The following VCP variants were observed in gnomAD, a reference collection of about 807,000 sequenced individuals.
VCP encodes the protein valosin containing protein, also known as transitional endoplasmic reticulum ATPase.
VCP carries 6 observed loss-of-function variants against 85.7 expected under a neutral mutation model. The ratio of observed to expected loss-of-function variants is 0.07; its 90% CI spans 0.04 to 0.14. The LOEUF (loss-of-function observed/expected upper bound fraction) is 0.14. Among genes scored for constraint, VCP ranks in the 10% least tolerant of loss-of-function variants. VCP has a pLI of 1.00. For missense variants in VCP, 353 were observed against 1,043.4 expected (o/e 0.34, Z 9.12); for synonymous variants, 384 against 367.1 (o/e 1.05, Z -0.53).
chr9:35,057,904 T>C (rs541595807), intron 15 of VCP: 6 of 353,630 alleles, frequency 1.7e-5, no homozygotes, highest in Non-Finnish European at 2.7e-5. Context: ...GTGAATTTTA[T>C]TGTATTTATA....
At chr9:35,062,387 T>C (rs187911930) in intron 7 of VCP, 37 bp from the exon 8 acceptor site, 336 of 1,613,790 alleles carry the variant, frequency 2.1e-4, no homozygotes, top group Admixed American at 1.1e-3. Context: ...AACAAAATGA[T>C]AGTCTTTCCC....
intron 7 of VCP, among the ~76,000 whole-genome samples, chr9:35,062,757 TC>T (rs1405324019): frequency 6.6e-6 from 1 of 152,206 alleles, no homozygotes; most frequent in East Asian, 1.9e-4. Flanking sequence ...CGCTCTGCAG[TC>T]TGTCCACAAT....
In VCP at chr9:35,057,506, G is replaced by T; in HGVS notation, c.2185C>A (p.Pro729Thr). 6.2e-7 allele frequency: 1 copy of T among 1,612,172 alleles called. No individual in the cohort carries two copies. ...TCAAAGTGATCTCGACGGATCTCAG[G>T]CACTGGATCATCCTCTTCTACCTCC... The part of the protein sequence containing the change: ...AMEVEEDDPV[P>T]EIRRDHFEEA... Residue 729 changes from proline to threonine, a missense_variant, in exon 16 of 17, where the codon CCT (proline) becomes ACT (threonine). This residue lies in a region of VCP where 93 missense variants were observed against 197.1 expected (regional missense o/e 0.47). Coordinates refer to ENST00000358901, the MANE Select transcript of VCP (RefSeq NM_007126.5).
chr9:35,061,482 C>T, intron 10 of VCP, 95 bp downstream of exon 10: 1 of 1,242,586 alleles, frequency 8.0e-7, no homozygotes, highest in Non-Finnish European at 1.2e-6. Flanking sequence ...AAATCAAAAC[C>T]CATCTCCTCA....
At chr9:35,060,262 A>G (rs778643068) in intron 13 of VCP, 51 bp downstream of exon 13, 3 of 1,590,224 alleles carry the variant, frequency 1.9e-6, no homozygotes, top group Non-Finnish European at 2.6e-6. Flanking sequence ...AACAGCCTCT[A>G]TTCCTTGCCC....
intron 3 of VCP, among the ~76,000 whole-genome samples, chr9:35,067,303 T>C (rs536245988): frequency 1.3e-5 from 2 of 152,160 alleles, no homozygotes; most frequent in African/African-American, 4.8e-5. Context: ...GGCCAGGTGA[T>C]GGTTGGTTGG....
rs1828621537 is a variant in VCP at position 35,057,033 on chromosome 9, C to G, written c.*84G>C. ...AATGGAGCAGGCTGTGGGCGCACCC[C>G]TGGTCCCTCTCCTGGGCAAGCGCCC... On this transcript the variant is annotated 3_prime_UTR_variant, in exon 17 of 17. Transcript: ENST00000358901. The G allele has an allele frequency of 4.3e-6, 6 of 1,399,176 alleles. No individual in the cohort carries two copies. The highest frequency in any genetic ancestry group is 4.0e-6 in the Non-Finnish European group (4 of 990,224). 86.7% of individuals were successfully genotyped at this position (1,399,176 alleles called of 1,614,324 possible).
intron 13 of VCP, 64 bp downstream of exon 13, chr9:35,060,248 GA>G: frequency 6.5e-7 from 1 of 1,548,244 alleles, no homozygotes; most frequent in South Asian, 1.1e-5. Flanking sequence ...CCCTCTTAAA[GA>G]AAAACAGCCT....
intron 5 of VCP, 134 bp downstream of exon 5, chr9:35,065,117 C>T (rs1475186287): frequency 1.5e-6 from 2 of 1,336,490 alleles, no homozygotes; most frequent in Non-Finnish European, 2.1e-6. Flanking sequence ...ATCTGCCCAT[C>T]TCAGTCTCCC....
Position 35,066,765 on chromosome 9 carries a change from T to C in VCP, c.355A>G (p.Ile119Val), listed in dbSNP as rs776815786. 2.5e-6 allele frequency: 4 copies of C among 1,614,120 alleles called. No homozygotes were observed. The South Asian group carries it at 3.3e-5, about 13-fold the overall frequency. Residue 119 changes from isoleucine (I) to valine (V), a missense_variant, in exon 4 of 17, where the codon ATT becomes GTT. Coordinates refer to ENST00000358901, the MANE Select transcript of VCP (RefSeq NM_007126.5). ...GTAATGCCTTCCACTGTGTCATCAA[T>C]GGGCAGCACATGGATACGTTTGCCG... ...KYGKRIHVLP[I>V]DDTVEGITGN...
chr9:35,059,887 C>A lies in VCP; in HGVS notation c.1696-86G>T. 6.4e-7 allele frequency: 1 copy of A among 1,554,622 alleles called. No homozygotes were observed. Among genetic ancestry groups the A allele is most frequent in the East Asian group, 2.3e-5 (1 of 44,366 alleles). On this transcript the variant is annotated intron_variant, in intron 13 of 16. Coordinates refer to ENST00000358901, the MANE Select transcript of VCP (RefSeq NM_007126.5). The surrounding 1 kb of genome is among the most constrained non-coding windows in gnomAD (Gnocchi z 4.9). Reference sequence around the variant, plus strand: ...GTGGCTCACACCTGTATTCCCAGCACTTTGGGAGGCCAAGGTGGGAGGATC... The same window carrying A: ...GTGGCTCACACCTGTATTCCCAGCAATTTGGGAGGCCAAGGTGGGAGGATC...
rs1031539530 is a variant in VCP, at chr9:35,056,068, A to G, written c.*1049T>C. On this transcript the variant is annotated 3_prime_UTR_variant, in exon 17 of 17. Transcript: ENST00000358901. ...AAAAAAAATTCAATACTAAAATTTT[A>G]TATTAACAAAAAGTTTTTTTTTTTT... 1 of 151,666 alleles carries G rather than the reference A, an allele frequency of 6.6e-6. No individual in the cohort carries two copies. Among genetic ancestry groups the G allele is most frequent in the Non-Finnish European group, 1.5e-5 (1 of 67,900 alleles). The allele number at this position is 151,666 out of a possible 1,614,324, so 9.4% of individuals were successfully genotyped here.
chr9:35,071,822 C>T (rs540233037), intron 1 of VCP: 23 of 989,668 alleles, frequency 2.3e-5, no homozygotes, highest in Non-Finnish European at 2.6e-5. Context: ...GCGGGCCTTC[C>T]CCGACCCCGG....
chr9:35,056,795 C>T lies in VCP; in HGVS notation c.*322G>A. 1 of 375,748 alleles carries T rather than the reference C, an allele frequency of 2.7e-6. No individual in the cohort carries two copies. 23.3% of individuals were successfully genotyped at this position (375,748 alleles called of 1,614,324 possible). A position where few individuals can be genotyped will look rare whatever the true frequency, so the allele number is the denominator to read the frequency against. ...GCAGATGCTTTACTGTGGCAGGTGG[C>T]AGTAGTGCCTTGGTTCACACCCCAC... On this transcript the variant is annotated 3_prime_UTR_variant, in exon 17 of 17. Coordinates refer to ENST00000358901, the MANE Select transcript of VCP (RefSeq NM_007126.5).
At chr9:35,057,635 C>G in intron 15 of VCP, 105 bp from the exon 16 acceptor site, 2 of 1,478,826 alleles carry the variant, frequency 1.4e-6, no homozygotes, top group African/African-American at 2.8e-5. Flanking sequence ...CCCTTCCAAT[C>G]CAACCTGAGG....
chr9:35,069,444 CTTTTTT>C (rs35498216), intron 1 of VCP, among the ~76,000 whole-genome samples: 6 of 96,104 alleles, frequency 6.2e-5, no homozygotes, highest in African/African-American at 1.2e-4. Flanking sequence ...CTCCCTCTCC[CTTTTTT>C]TTTTTTTTTT....
Position 35,057,469 on chromosome 9 carries a change from C to T in VCP, c.2222G>A (p.Arg741His), listed in dbSNP as rs760411781. 29 of 1,613,974 alleles carry T rather than the reference C, an allele frequency of 1.8e-5. No individual in the cohort carries two copies. The highest frequency in any genetic ancestry group is 1.1e-4 in the South Asian group (10 of 91,094). Residue 741 changes from arginine to histidine, a missense_variant, in exon 16 of 17, where the codon CGC (arginine) becomes CAC (histidine). Transcript: ENST00000358901. ...GTCACTGACAGAACGGCGCGCAAAGCGCATGGCTTCTTCAAAGTGATCTCG... is the reference window on the plus strand; with the variant it reads ...GTCACTGACAGAACGGCGCGCAAAGTGCATGGCTTCTTCAAAGTGATCTCG... ...IRRDHFEEAM[R>H]FARRSVSDND...
At chr9:35,069,751 G>A (rs905710196) in intron 1 of VCP, among the ~76,000 whole-genome samples, 3 of 152,114 alleles carry the variant, frequency 2.0e-5, no homozygotes, top group East Asian at 1.9e-4. Context: ...AGCACCCAGC[G>A]CTCTCTCTTT....
At chr9:35,064,309 A>G (rs1192592163) in intron 5 of VCP, 24 bp from the exon 6 acceptor site, 2 of 1,613,358 alleles carry the variant, frequency 1.2e-6, no homozygotes, top group East Asian at 2.2e-5. Context: ...AGATAAAGAA[A>G]GGAGAAGGCA....
Sources: gnomAD v4.1 joint callset for allele counts (sites outside exome capture counted in the v4.1 genomes callset) on GRCh38, gnomAD v4.1.1 for gene constraint, gnomAD v4.1.1 regional missense constraint, Gnocchi (gnomAD v3.1) non-coding constraint, MANE v1.5 for transcripts, NCBI Gene and HGNC (gene_info 2026-07-23, HGNC 2026-07-21) for gene names.